CTNNA3: variants seen among roughly 807,000 people sequenced by gnomAD.
CTNNA3 encodes the protein catenin alpha-3.
Under a neutral mutation model 95.7 loss-of-function variants are expected in CTNNA3, and 76 were observed. The ratio of observed to expected loss-of-function variants is 0.79; its 90% CI spans 0.66 to 0.96. CTNNA3 has a LOEUF of 0.96. Among genes scored for constraint, CTNNA3 ranks in the 40% least tolerant of loss-of-function variants. The probability of loss-of-function intolerance (pLI) is 0.00; values close to 1 mark genes in which losing one functional copy is unlikely to be tolerated. For synonymous variants in CTNNA3, 431 were observed against 374.4 expected (o/e 1.15, Z -1.74); for missense variants, 1,191 against 1,089.8 (o/e 1.09, Z -1.31).
chr10:67,101,548 C>T lies in CTNNA3; in HGVS notation c.1047+78769G>A, dbSNP rs536892017. 1.2e-4 allele frequency among the ~76,000 whole-genome samples: 18 copies of T among 151,704 alleles called. No individual in the cohort carries two copies. In the East Asian group the frequency reaches 1.7e-3, roughly 15 times the overall value. On this transcript the variant is annotated intron_variant, in intron 7 of 17. Transcript: ENST00000433211. ...GCAAATAATATATTTTACTGATCAACTCATTTTTGTCAAGTCTCTATTTCT... is the reference window on the plus strand; with the variant it reads ...GCAAATAATATATTTTACTGATCAATTCATTTTTGTCAAGTCTCTATTTCT...
chr10:67,337,548 T>G (rs1842039182), intron 5 of CTNNA3, among the ~76,000 whole-genome samples: 1 of 152,244 alleles, frequency 6.6e-6, no homozygotes, highest in South Asian at 2.1e-4. Context: ...TTGAAAGGAT[T>G]GACCACAATT....
At chr10:65,923,679 C>T (rs187783131) in intron 17 of CTNNA3, among the ~76,000 whole-genome samples, 54 of 152,270 alleles carry the variant, frequency 3.5e-4, no homozygotes, top group African/African-American at 1.2e-3. Flanking sequence ...AGAATCATTC[C>T]AATGGGCCAC....
chr10:67,021,151 T>C (rs1376744204), intron 7 of CTNNA3, among the ~76,000 whole-genome samples: 1 of 152,180 alleles, frequency 6.6e-6, no homozygotes, highest in Non-Finnish European at 1.5e-5. Flanking sequence ...AGTCAGGCTA[T>C]TGAAAGTAAT....
At chr10:66,381,778 T>C (rs1439353007) in intron 11 of CTNNA3, among the ~76,000 whole-genome samples, 1 of 152,186 alleles carries the variant, frequency 6.6e-6, no homozygotes, top group Non-Finnish European at 1.5e-5. Flanking sequence ...GTTATGAATG[T>C]ATCATTAAGC....
chr10:66,396,705 C>A (rs2092980719), intron 11 of CTNNA3, among the ~76,000 whole-genome samples: 1 of 152,000 alleles, frequency 6.6e-6, no homozygotes, highest in Non-Finnish European at 1.5e-5. Flanking sequence ...CACCCTCAAG[C>A]AATTCCATTT....
At chr10:66,688,724 C>T (rs1019813822) in intron 9 of CTNNA3, among the ~76,000 whole-genome samples, 1 of 152,040 alleles carries the variant, frequency 6.6e-6, no homozygotes. Context: ...GTAATCCCAG[C>T]ACTTTGGGAG....
At chr10:66,192,193 T>C (rs902088991) in intron 13 of CTNNA3, among the ~76,000 whole-genome samples, 16 of 152,170 alleles carry the variant, frequency 1.1e-4, no homozygotes, top group African/African-American at 3.4e-4. Flanking sequence ...AATTCTGAGA[T>C]GGCTCTTCCT....
intron 9 of CTNNA3, among the ~76,000 whole-genome samples, chr10:66,652,097 T>TAAAAAAAA (rs59359956): frequency 6.5e-5 from 8 of 122,378 alleles, no homozygotes; most frequent in Non-Finnish European, 1.2e-4. Flanking sequence ...CTCAAGGAAC[T>TAAAAAAAA]AAAAAAAAAA....
intron 1 of CTNNA3, among the ~76,000 whole-genome samples, chr10:67,687,441 C>G (rs1446383578): frequency 1.3e-5 from 2 of 152,158 alleles, no homozygotes; most frequent in African/African-American, 2.4e-5. Flanking sequence ...ACAAGCCCTA[C>G]CAGGTGATTG....
chr10:67,527,050 A>C (rs10997692), intron 4 of CTNNA3, among the ~76,000 whole-genome samples: 1 of 152,304 alleles, frequency 6.6e-6, no homozygotes, highest in East Asian at 1.9e-4. Flanking sequence ...TGAGGTCAGG[A>C]GTTCGAGACC....
Position 65,919,057 on chromosome 10 carries a change from G to A in CTNNA3, c.*1273C>T, listed in dbSNP as rs978047505. On this transcript the variant is annotated 3_prime_UTR_variant, in exon 18 of 18. Coordinates refer to ENST00000433211, the MANE Select transcript of CTNNA3 (RefSeq NM_013266.4). ...AATGTTTTTTAAAGTCTGTGAATCA[G>A]AACTCTATGAATGAGAAAAAATGAA... The A allele has an allele frequency of 6.6e-6, 1 of 151,746 alleles. No homozygotes were observed. Among genetic ancestry groups the A allele is most frequent in the Non-Finnish European group, 1.5e-5 (1 of 67,864 alleles). 9.4% of individuals were successfully genotyped at this position (151,746 alleles called of 1,614,324 possible).
intron 6 of CTNNA3, among the ~76,000 whole-genome samples, chr10:67,192,879 G>T (rs1863182519): frequency 6.6e-6 from 1 of 151,628 alleles, no homozygotes; most frequent in South Asian, 2.1e-4. Context: ...ATAAAGAAAT[G>T]GTCATATATA....
At chr10:67,494,455 C>T (rs1006119342) in intron 5 of CTNNA3, among the ~76,000 whole-genome samples, 8 of 152,158 alleles carry the variant, frequency 5.3e-5, no homozygotes, top group African/African-American at 1.9e-4. Context: ...GTAGGCCTGA[C>T]CATAACACAA....
chr10:67,716,525 T>C (rs898649828), intron 1 of CTNNA3, among the ~76,000 whole-genome samples: 2 of 152,142 alleles, frequency 1.3e-5, no homozygotes, highest in African/African-American at 2.4e-5. Context: ...CCTGTGTCCA[T>C]GTATTCTCAT....
Position 66,536,136 on chromosome 10 carries a change from T to TGAGA in CTNNA3, c.1375-15367_1375-15364dup, listed in dbSNP as rs71035152. On this transcript the variant is annotated intron_variant, in intron 10 of 17. Coordinates refer to ENST00000433211, the MANE Select transcript of CTNNA3 (RefSeq NM_013266.4). ...TTCAGTACCAGGAGGTGAAACGACA[T>TGAGA]GAGAGAGAGAGAGAGAGAGAGAGAG... Among the ~76,000 whole-genome samples the TGAGA allele has an allele frequency of 5.2e-3, 752 of 143,768 alleles. 2 individuals carry two copies. Among genetic ancestry groups the TGAGA allele is most frequent in the African/African-American group, 0.011 (444 of 38,958 alleles). The allele number at this position is 143,768 out of a possible 152,430, so 94.3% of individuals were successfully genotyped here. A position where few individuals can be genotyped will look rare whatever the true frequency, so the allele number is the denominator to read the frequency against.
At chr10:66,189,283 A>C (rs1288063358) in intron 13 of CTNNA3, among the ~76,000 whole-genome samples, 13 of 151,750 alleles carry the variant, frequency 8.6e-5, no homozygotes, top group Non-Finnish European at 1.5e-4. Context: ...AAAAAAAAAA[A>C]AAAAAACATT....
intron 2 of CTNNA3, among the ~76,000 whole-genome samples, chr10:67,628,445 T>C (rs1428506017): frequency 6.6e-6 from 1 of 152,164 alleles, no homozygotes; most frequent in Admixed American, 6.5e-5. Context: ...ATATTTTAAA[T>C]GTTTGACATA....
intron 9 of CTNNA3, among the ~76,000 whole-genome samples, chr10:66,697,316 G>A (rs1369538396): frequency 1.3e-5 from 2 of 150,650 alleles, no homozygotes; most frequent in African/African-American, 2.4e-5. Flanking sequence ...TTAGACAAAT[G>A]GAGATTTGGG....
chr10:66,978,342 A>G (rs1850183080), intron 7 of CTNNA3, among the ~76,000 whole-genome samples: 1 of 151,500 alleles, frequency 6.6e-6, no homozygotes. Context: ...CCTGGCCAAC[A>G]TGGCAAAACC....
Sources: gnomAD v4.1 joint callset for allele counts (sites outside exome capture counted in the v4.1 genomes callset) on GRCh38, gnomAD v4.1.1 for gene constraint, MANE v1.5 for transcripts, NCBI Gene and HGNC (gene_info 2026-07-23, HGNC 2026-07-21) for gene names.